Variants in ANXA11 observed in about 807,000 individuals in gnomAD.
ANXA11 encodes annexin A11, also known as 56 kDa autoantigen.
A neutral mutation model predicts 64.7 loss-of-function variants in ANXA11; 57 were observed. The ratio of observed to expected loss-of-function variants is 0.88; its 90% CI spans 0.71 to 1.10. ANXA11 has a LOEUF of 1.10. ANXA11 is among the 50% of genes least tolerant of loss of function. The probability of loss-of-function intolerance (pLI) is 0.00; values close to 1 mark genes in which losing one functional copy is unlikely to be tolerated. For synonymous variants in ANXA11, 260 were observed against 265.2 expected, an observed-to-expected ratio of 0.98 and a Z score of 0.19; for missense variants, 675 against 670.7, an observed-to-expected ratio of 1.01 and a Z score of -0.07.
chr10:80,166,330 G>A lies in ANXA11; in HGVS notation c.745-133C>T, dbSNP rs184129258. The A allele has an allele frequency of 1.2e-4, 73 of 603,222 alleles. 1 individual carries two copies. Among genetic ancestry groups the A allele is most frequent in the Non-Finnish European group, 8.2e-5 (28 of 341,948 alleles). The allele number at this position is 603,222 out of a possible 1,614,324, so 37.4% of individuals were successfully genotyped here. A position where few individuals can be genotyped will look rare whatever the true frequency, so the allele number is the denominator to read the frequency against. On this transcript the variant is annotated intron_variant, in intron 7 of 15. Coordinates refer to ENST00000422982, the MANE Select transcript of ANXA11 (RefSeq NM_145868.2). ...GCATGGACATCCCCCAGGGGCCTGA[G>A]AGAAAAGCCTGCTCTCAGCCCTGCC...
intron 1 of ANXA11, chr10:80,181,523 T>G (rs907035778): frequency 2.3e-4 from 35 of 151,402 alleles, no homozygotes; most frequent in African/African-American, 8.2e-4. Context: ...AGCCATAGAA[T>G]GGGAGAAAAT....
chr10:80,155,766 G>T lies in ANXA11; in HGVS notation c.*87C>A. 7.7e-7 allele frequency: 1 copy of T among 1,296,774 alleles called. No individual in the cohort carries two copies. Among genetic ancestry groups the T allele is most frequent in the Non-Finnish European group, 1.1e-6 (1 of 894,264 alleles). The allele number at this position is 1,296,774 out of a possible 1,614,324, so 80.3% of individuals were successfully genotyped here. A position where few individuals can be genotyped will look rare whatever the true frequency, so the allele number is the denominator to read the frequency against. On this transcript the variant is annotated 3_prime_UTR_variant, in exon 16 of 16. Coordinates refer to ENST00000422982, the MANE Select transcript of ANXA11 (RefSeq NM_145868.2). ...GACGGTGAATCTCGGGGCTATTTGT[G>T]GATTTGTTAGAAACAGACATTCTTT...
chr10:80,158,349 G>A (rs991963570), intron 13 of ANXA11, among the ~76,000 whole-genome samples: 8 of 152,174 alleles, frequency 5.3e-5, no homozygotes, highest in African/African-American at 1.9e-4. Flanking sequence ...ATGAGGAACT[G>A]TGCTGCTGCT....
At chr10:80,159,517 A>G (rs1042561914) in intron 12 of ANXA11, among the ~76,000 whole-genome samples, 1 of 152,102 alleles carries the variant, frequency 6.6e-6, no homozygotes, top group Non-Finnish European at 1.5e-5. Context: ...GGCCTTCAAA[A>G]CTGTAACAAA....
At chr10:80,170,688 CCA>C in intron 4 of ANXA11, 110 bp downstream of exon 4, 2 of 806,566 alleles carry the variant, frequency 2.5e-6, no homozygotes, top group Non-Finnish European at 3.7e-6. Flanking sequence ...ACACTACACA[CCA>C]CAGCAACACA....
At chr10:80,185,130 T>C (rs1336478109) in intron 1 of ANXA11, among the ~76,000 whole-genome samples, 2 of 152,232 alleles carry the variant, frequency 1.3e-5, no homozygotes, top group Non-Finnish European at 2.9e-5. Flanking sequence ...TGGCCTTCTG[T>C]AGAGCAGAAC....
At chr10:80,186,974 A>G (rs766597806) in intron 1 of ANXA11, among the ~76,000 whole-genome samples, 6 of 152,230 alleles carry the variant, frequency 3.9e-5, no homozygotes, top group Non-Finnish European at 8.8e-5. Flanking sequence ...TGAGGAGTGG[A>G]AAGTGGGCAG....
chr10:80,197,507 G>A (rs1028953013), intron 1 of ANXA11, among the ~76,000 whole-genome samples: 4 of 152,062 alleles, frequency 2.6e-5, no homozygotes, highest in African/African-American at 9.7e-5. Flanking sequence ...CACGGAGACC[G>A]AACATCACCC....
At position 80,196,011 on chromosome 10, in the gene ANXA11, T is replaced by G. The variant is rs537994655; in HGVS notation, c.-58+9332A>C. Among the ~76,000 whole-genome samples the G allele has an allele frequency of 4.6e-5, 7 of 152,296 alleles. No individual in the cohort carries two copies. The East Asian group carries it at 1.4e-3, about 29-fold the overall frequency. On this transcript the variant is annotated intron_variant, in intron 1 of 15. Coordinates refer to ENST00000422982, the MANE Select transcript of ANXA11 (RefSeq NM_145868.2). ...CTCTTTCAGGAAGCCCACCCTGATC[T>G]CCTATCCACAATGCTCACTCTTCTT...
intron 12 of ANXA11, among the ~76,000 whole-genome samples, chr10:80,160,538 G>C (rs570898772): frequency 6.6e-6 from 1 of 152,152 alleles, no homozygotes; most frequent in Non-Finnish European, 1.5e-5. Flanking sequence ...CAGTTGCTCC[G>C]TGTGGTCACC....
rs71034291 is a variant in ANXA11 at position 80,188,480 on chromosome 10, C to CATATATATATAT, written c.-57-12337_-57-12326dup. On this transcript the variant is annotated intron_variant, in intron 1 of 15. Coordinates refer to ENST00000422982, the MANE Select transcript of ANXA11 (RefSeq NM_145868.2). Reference sequence around the variant, plus strand: ...CAGCTGTGAGAATGTAGTATTCTCACATATATATATATATATATATATATA... The same window carrying CATATATATATAT: ...CAGCTGTGAGAATGTAGTATTCTCACATATATATATATATATATATATATATATATATATATA... 1.6e-3 allele frequency among the ~76,000 whole-genome samples: 156 copies of CATATATATATAT among 100,570 alleles called. 3 individuals are homozygous for CATATATATATAT. Among genetic ancestry groups the CATATATATATAT allele is most frequent in the East Asian group, 3.7e-3 (11 of 2,992 alleles). The allele number at this position is 100,570 out of a possible 152,430, so 66.0% of individuals were successfully genotyped here. A position where few individuals can be genotyped will look rare whatever the true frequency, so the allele number is the denominator to read the frequency against.
chr10:80,169,044 CCCAGGGAGTGGCACTGGAGGCTGA>C lies in ANXA11; in HGVS notation c.462_485del (p.Pro156_Gln163del), dbSNP rs768324733. The C allele has an allele frequency of 1.3e-6, 2 of 1,543,966 alleles. No individual in the cohort carries two copies. Among genetic ancestry groups the C allele is most frequent in the Non-Finnish European group, 1.7e-6 (2 of 1,150,902 alleles). On this transcript the variant is annotated inframe_deletion, in exon 5 of 16. Coordinates refer to ENST00000422982, the MANE Select transcript of ANXA11 (RefSeq NM_145868.2). ...GGTAGCTCGGCACTGGCTGCTGCTG[CCCAGGGAGTGGCACTGGAGGCTGA>C]CCAGGGTAGGTCACTGGTGGCTGCC...
chr10:80,162,998 A>C (rs1845574321), intron 11 of ANXA11, among the ~76,000 whole-genome samples: 1 of 152,206 alleles, frequency 6.6e-6, no homozygotes, highest in African/African-American at 2.4e-5. Flanking sequence ...CAAAAACTTA[A>C]TAAGCAAGTG....
chr10:80,186,029 AAC>A (rs1240041875), intron 1 of ANXA11, among the ~76,000 whole-genome samples: 2 of 152,186 alleles, frequency 1.3e-5, no homozygotes, highest in East Asian at 3.8e-4. Context: ...TGGTGAGAAG[AAC>A]ACAGACTCTG....
At chr10:80,166,586 C>T (rs911441840) in intron 7 of ANXA11, 1 of 482,608 alleles carries the variant, frequency 2.1e-6, no homozygotes, top group Non-Finnish European at 3.7e-6. Context: ...GCTAAACCCC[C>T]CAGGGTGGTC....
intron 15 of ANXA11, 112 bp from the exon 16 acceptor site, chr10:80,156,024 G>T: frequency 8.6e-7 from 1 of 1,158,252 alleles, no homozygotes; most frequent in Non-Finnish European, 1.3e-6. Context: ...CCCCACCCTG[G>T]GGAATTTTCT....
At chr10:80,183,830 C>T (rs1443195297) in intron 1 of ANXA11, among the ~76,000 whole-genome samples, 2 of 152,192 alleles carry the variant, frequency 1.3e-5, no homozygotes, top group Admixed American at 6.5e-5. Context: ...AGTGCATCAG[C>T]TCACAGTTCC....
chr10:80,180,649 T>G (rs1846321529), intron 1 of ANXA11, among the ~76,000 whole-genome samples: 1 of 152,080 alleles, frequency 6.6e-6, no homozygotes, highest in Non-Finnish European at 1.5e-5. Context: ...TATTAGTTTT[T>G]TTTTTTTTTA....
intron 15 of ANXA11, among the ~76,000 whole-genome samples, chr10:80,156,206 A>G (rs1845269875): frequency 6.6e-6 from 1 of 152,248 alleles, no homozygotes; most frequent in Non-Finnish European, 1.5e-5. Flanking sequence ...GGGCTAACCA[A>G]TATTGCTGTT....
Sources: allele counts gnomAD v4.1 joint callset (sites outside exome capture counted in the v4.1 genomes callset), GRCh38; gene constraint gnomAD v4.1.1; transcripts MANE v1.5; gene names NCBI Gene and HGNC (gene_info 2026-07-23, HGNC 2026-07-21).